Variants in DPP10 observed in about 807,000 individuals in gnomAD.
DPP10 encodes the protein inactive dipeptidyl peptidase 10.
A neutral mutation model predicts 120.9 loss-of-function variants in DPP10; 33 were observed. The observed-to-expected ratio is 0.27, with a 90% confidence interval of 0.21 to 0.37. DPP10 has a LOEUF of 0.37. Among genes scored for constraint, DPP10 ranks in the 10% least tolerant of loss-of-function variants. The pLI is 1.00. For synonymous variants in DPP10, 337 were observed against 326.1 expected (o/e 1.03, Z -0.36); for missense variants, 816 against 942.8 (o/e 0.87, Z 1.76).
intron 1 of DPP10, among the ~76,000 whole-genome samples, chr2:114,525,825 G>A (rs1460640388): frequency 6.6e-6 from 1 of 152,106 alleles, no homozygotes; most frequent in East Asian, 1.9e-4. Context: ...TGAGAAAAAG[G>A]CAAATTTATT....
At chr2:114,926,971 C>T (rs1003107013) in intron 1 of DPP10, among the ~76,000 whole-genome samples, 5 of 151,674 alleles carry the variant, frequency 3.3e-5, no homozygotes, top group Non-Finnish European at 7.4e-5. Flanking sequence ...CTGCCTCAGC[C>T]TCCCGAGTAG....
chr2:114,662,806 C>A (rs1029271547), intron 1 of DPP10, among the ~76,000 whole-genome samples: 1 of 152,092 alleles, frequency 6.6e-6, no homozygotes, highest in African/African-American at 2.4e-5. Context: ...CCACCAGGAG[C>A]GAGGCAGGCC....
At chr2:115,125,897 A>G (rs2050058066) in intron 1 of DPP10, among the ~76,000 whole-genome samples, 1 of 152,100 alleles carries the variant, frequency 6.6e-6, no homozygotes, top group African/African-American at 2.4e-5. Context: ...TACCTTTTTA[A>G]ACATGTATTT....
chr2:115,489,607 C>T (rs1574997783), intron 3 of DPP10, among the ~76,000 whole-genome samples: 1 of 149,506 alleles, frequency 6.7e-6, no homozygotes, highest in East Asian at 2.0e-4. Flanking sequence ...TTTTGTAAAA[C>T]TGGCGCTTTT....
chr2:115,677,356 A>C (rs1244260735), intron 5 of DPP10, among the ~76,000 whole-genome samples: 1 of 152,238 alleles, frequency 6.6e-6, no homozygotes, highest in Non-Finnish European at 1.5e-5. Context: ...AGAGAGGAAG[A>C]AAGAAACAAA....
chr2:115,712,977 A>G (rs1413049302), intron 7 of DPP10, among the ~76,000 whole-genome samples: 1 of 152,028 alleles, frequency 6.6e-6, no homozygotes, highest in Non-Finnish European at 1.5e-5. Context: ...ACCACTCTAG[A>G]CCATGAAAAC....
chr2:115,605,951 G>A (rs938370356), intron 5 of DPP10, among the ~76,000 whole-genome samples: 4 of 151,994 alleles, frequency 2.6e-5, no homozygotes, highest in African/African-American at 9.7e-5. Context: ...AAACTTCTAT[G>A]CCTTTGATAT....
intron 5 of DPP10, among the ~76,000 whole-genome samples, chr2:115,533,631 G>A (rs1308827315): frequency 6.6e-6 from 1 of 151,952 alleles, no homozygotes; most frequent in Non-Finnish European, 1.5e-5. Flanking sequence ...AAATTCTGGG[G>A]GAGTACATAA....
At chr2:114,830,899 T>TA (rs199823967) in intron 1 of DPP10, among the ~76,000 whole-genome samples, 7 of 150,666 alleles carry the variant, frequency 4.6e-5, no homozygotes, top group East Asian at 3.9e-4. Context: ...TAGTTAACAT[T>TA]AAAAAAAAAG....
intron 11 of DPP10, among the ~76,000 whole-genome samples, chr2:115,754,934 T>G (rs1163154589): frequency 1.3e-5 from 2 of 152,048 alleles, no homozygotes; most frequent in African/African-American, 4.8e-5. Flanking sequence ...TTATTATGTA[T>G]CAATAAAAAA....
intron 1 of DPP10, among the ~76,000 whole-genome samples, chr2:115,046,747 C>A (rs1705100190): frequency 1.3e-5 from 2 of 151,988 alleles, no homozygotes; most frequent in Non-Finnish European, 2.9e-5. Context: ...CTTAAATGTA[C>A]AGAGGCATTA....
intron 5 of DPP10, among the ~76,000 whole-genome samples, chr2:115,615,297 A>G (rs1464303625): frequency 6.6e-6 from 1 of 152,116 alleles, no homozygotes; most frequent in African/African-American, 2.4e-5. Flanking sequence ...AAGGAAATCA[A>G]TTTTACACAT....
At chr2:115,092,271 T>C (rs1211913048) in intron 1 of DPP10, among the ~76,000 whole-genome samples, 1 of 152,168 alleles carries the variant, frequency 6.6e-6, no homozygotes, top group Admixed American at 6.5e-5. Context: ...CATTATCACC[T>C]CATTAATTTG....
chr2:114,463,163 A>G (rs1312835038), intron 1 of DPP10, among the ~76,000 whole-genome samples: 1 of 152,180 alleles, frequency 6.6e-6, no homozygotes, highest in African/African-American at 2.4e-5. Flanking sequence ...GGAAATCTAT[A>G]TGTGCATACT....
At chr2:115,662,957 T>C (rs1433335875) in intron 5 of DPP10, among the ~76,000 whole-genome samples, 3 of 151,782 alleles carry the variant, frequency 2.0e-5, no homozygotes, top group Non-Finnish European at 4.4e-5. Context: ...TTTTCTTGCA[T>C]GTAGAATTGT....
intron 1 of DPP10, among the ~76,000 whole-genome samples, chr2:114,993,367 T>C (rs909506186): frequency 1.7e-3 from 255 of 147,546 alleles, no homozygotes; most frequent in Non-Finnish European, 2.5e-3. Context: ...AATAATACTT[T>C]TTTTTTTTTC....
chr2:114,944,423 G>A (rs1043677429), intron 1 of DPP10, among the ~76,000 whole-genome samples: 1 of 152,056 alleles, frequency 6.6e-6, no homozygotes, highest in African/African-American at 2.4e-5. Context: ...TCATGCAGTT[G>A]TTTGTTAAAC....
rs1040380950 is a variant in DPP10, at chr2:115,343,845, A to T, written c.204A>T (p.Arg68Ser). 2 of 1,612,006 alleles carry T rather than the reference A, an allele frequency of 1.2e-6. No individual in the cohort carries two copies. The highest frequency in any genetic ancestry group is 1.7e-5 in the Admixed American group (1 of 59,810). ...PDELTNSSETRLSLEDLFRKD... is the reference protein window; with the variant it reads ...PDELTNSSETSLSLEDLFRKD... The stretch of plus-strand genomic sequence containing the variant: ...AACTCACAAATTCGTCAGAAACCAG[A>T]TTGTCTTTGGAAGACCTCTTTAGGA... Residue 68 changes from arginine (R) to serine (S), a missense_variant, in exon 3 of 26, where the codon AGA (arginine) becomes AGT (serine). Around this residue, in one of 3 missense-constraint regions of DPP10, gnomAD observed 182 missense variants for 207.4 expected, o/e 0.88. Transcript: ENST00000410059.
chr2:114,581,932 A>T (rs533179875), intron 1 of DPP10, among the ~76,000 whole-genome samples: 2 of 152,294 alleles, frequency 1.3e-5, no homozygotes, highest in African/African-American at 4.8e-5. Flanking sequence ...AGGTACACTT[A>T]TTCCAATTGA....
Sources: allele counts gnomAD v4.1 joint callset (sites outside exome capture counted in the v4.1 genomes callset), GRCh38; gene constraint gnomAD v4.1.1; regional missense constraint gnomAD v4.1.1; transcripts MANE v1.5; gene names NCBI Gene and HGNC (gene_info 2026-07-23, HGNC 2026-07-21).